TRIP12: variants seen among roughly 807,000 people sequenced by gnomAD.
TRIP12 encodes E3 ubiquitin-protein ligase TRIP12.
A neutral mutation model predicts 244.2 loss-of-function variants in TRIP12; 25 were observed. The observed-to-expected ratio is 0.10, with a 90% CI of 0.07 to 0.14. The LOEUF is 0.14. Ranked by LOEUF, TRIP12 falls within the 10% of genes least tolerant of loss-of-function variation. The pLI, the probability that TRIP12 is intolerant of heterozygous loss-of-function variation, is 1.00. For synonymous variants in TRIP12, 905 were observed against 873.1 expected (o/e 1.04, Z -0.64); for missense variants, 1,677 against 2,486.4 (o/e 0.67, Z 6.92).
intron 5 of TRIP12, 105 bp downstream of exon 5, chr2:229,840,713 AAAAC>A (rs1347387460): frequency 1.3e-5 from 11 of 834,478 alleles, no homozygotes; most frequent in African/African-American, 3.6e-5. Context: ...AAAACAAAAC[AAAAC>A]AAACAAAACA....
intron 21 of TRIP12, among the ~76,000 whole-genome samples, 163 bp from the exon 22 acceptor site, chr2:229,799,546 G>A (rs2043695028): frequency 6.6e-6 from 1 of 152,194 alleles, no homozygotes; most frequent in Non-Finnish European, 1.5e-5. Flanking sequence ...GGAGGCCGAG[G>A]CGGGCAGATC....
chr2:229,853,075 A>G (rs1037338539), intron 4 of TRIP12, among the ~76,000 whole-genome samples: 3 of 152,200 alleles, frequency 2.0e-5, no homozygotes, highest in Non-Finnish European at 4.4e-5. Context: ...ACAATTTTTA[A>G]AACATTTCCT....
chr2:229,819,329 G>A (rs544909199), intron 8 of TRIP12, among the ~76,000 whole-genome samples: 3 of 152,294 alleles, frequency 2.0e-5, no homozygotes, highest in Non-Finnish European at 4.4e-5. Flanking sequence ...TGGATCACTT[G>A]AGGTCAGGAG....
In TRIP12 at chr2:229,766,621, C is replaced by A. The variant is rs1450015451; in HGVS notation, c.*933G>T. 1 of 152,082 alleles carries A rather than the reference C, an allele frequency of 6.6e-6. No individual in the cohort carries two copies. The highest frequency in any genetic ancestry group is 1.9e-4 in the East Asian group (1 of 5,194). The allele number at this position is 152,082 out of a possible 1,614,324, so 9.4% of individuals were successfully genotyped here. ...ACAAAGGGAAAAAAATTTTTTTACT[C>A]CAACAGGGAAGGAAAACTGCTTATT... On this transcript the variant is annotated 3_prime_UTR_variant, in exon 42 of 42. Transcript: ENST00000675903.
At chr2:229,798,815 A>C (rs1224031616) in intron 23 of TRIP12, 60 bp downstream of exon 23, 1 of 1,572,492 alleles carries the variant, frequency 6.4e-7, no homozygotes, top group Non-Finnish European at 8.7e-7. Context: ...ACTGGCTGAA[A>C]TAATGTTTAA....
chr2:229,831,878 G>T (rs200868739), intron 6 of TRIP12, among the ~76,000 whole-genome samples: 112 of 109,540 alleles, frequency 1.0e-3, no homozygotes, highest in South Asian at 2.1e-3. Context: ...TTTTTTGTTT[G>T]TTTTTTGGGT....
intron 1 of TRIP12, among the ~76,000 whole-genome samples, chr2:229,916,543 G>A (rs1445325203): frequency 6.6e-6 from 1 of 151,928 alleles, no homozygotes; most frequent in South Asian, 2.1e-4. Context: ...TGACAAAAGT[G>A]AGACTCTGTC....
intron 18 of TRIP12, 52 bp downstream of exon 18, chr2:229,805,678 C>A (rs1386139477): frequency 1.3e-5 from 18 of 1,407,428 alleles, no homozygotes; most frequent in Middle Eastern, 2.0e-4. Context: ...ATTATGCAAA[C>A]ACAAAATATT....
At chr2:229,829,338 C>T in intron 7 of TRIP12, 50 bp from the exon 8 acceptor site, 1 of 1,447,808 alleles carries the variant, frequency 6.9e-7, no homozygotes, top group Middle Eastern at 1.8e-4. Flanking sequence ...CTTCATGCAA[C>T]TGATGTATCT....
intron 1 of TRIP12, among the ~76,000 whole-genome samples, chr2:229,902,001 C>T (rs1405411778): frequency 6.6e-6 from 1 of 152,202 alleles, no homozygotes; most frequent in Non-Finnish European, 1.5e-5. Flanking sequence ...TTCTTTCAAA[C>T]TTCAAGATTA....
intron 5 of TRIP12, 29 bp downstream of exon 5, chr2:229,840,793 C>T: frequency 7.1e-7 from 1 of 1,403,572 alleles, no homozygotes; most frequent in Non-Finnish European, 9.7e-7. Flanking sequence ...TAAAAATGAA[C>T]TCACTATAAA....
chr2:229,851,737 T>G (rs2058747532), intron 4 of TRIP12, among the ~76,000 whole-genome samples: 1 of 151,798 alleles, frequency 6.6e-6, no homozygotes, highest in Non-Finnish European at 1.5e-5. Flanking sequence ...CGTGCTGCCT[T>G]AAGAACTGTA....
In TRIP12 at chr2:229,919,217, A is replaced by T. The variant is rs377151894; in HGVS notation, c.-50+2663T>A. ...TCACCTGAGAGGTCGGGAGTTCGAGACCAGCCTGGCCAACATGGTGAAACT... is the reference window on the plus strand; with the variant it reads ...TCACCTGAGAGGTCGGGAGTTCGAGTCCAGCCTGGCCAACATGGTGAAACT... On this transcript the variant is annotated intron_variant, in intron 1 of 41. Coordinates refer to ENST00000675903, the MANE Select transcript of TRIP12 (RefSeq NM_001348323.3). Among the ~76,000 whole-genome samples, 917 of 152,246 alleles carry T rather than the reference A, an allele frequency of 6.0e-3. 6 individuals are homozygous for T. Among genetic ancestry groups the T allele is most frequent in the Middle Eastern group, 0.048 (14 of 294 alleles).
intron 30 of TRIP12, 131 bp from the exon 31 acceptor site, chr2:229,789,893 GTATTGATAAGTTT>G: frequency 1.1e-6 from 1 of 932,254 alleles, no homozygotes; most frequent in East Asian, 2.5e-5. Flanking sequence ...TATTAGTAGG[GTATTGATAAGTTT>G]GACAATCTTC....
chr2:229,899,742 G>C (rs1260046127), intron 1 of TRIP12, among the ~76,000 whole-genome samples: 1 of 152,208 alleles, frequency 6.6e-6, no homozygotes, highest in Non-Finnish European at 1.5e-5. Flanking sequence ...CAAGAGAGAA[G>C]TGGAATGGTC....
chr2:229,819,769 A>C (rs896618827), intron 8 of TRIP12, among the ~76,000 whole-genome samples: 2 of 152,190 alleles, frequency 1.3e-5, no homozygotes, highest in African/African-American at 4.8e-5. Flanking sequence ...GAAATGGGAT[A>C]TATGTCTGGA....
At chr2:229,815,037 A>G in intron 11 of TRIP12, 62 bp downstream of exon 11, 1 of 1,268,566 alleles carries the variant, frequency 7.9e-7, no homozygotes, top group Middle Eastern at 1.9e-4. Flanking sequence ...GCTAAAATTC[A>G]AGAGTTTGAA....
rs1193132112 is a variant in TRIP12, at chr2:229,810,999, T to G, written c.2102A>C (p.Gln701Pro). Residue 701 changes from glutamine (Q) to proline (P), a missense_variant, in exon 15 of 42, where the codon CAA (glutamine) becomes CCA (proline). This residue lies in a region of TRIP12 where 572 missense variants were observed against 867.8 expected (regional missense o/e 0.66). Transcript: ENST00000675903. Reference protein sequence around the residue: ...VASKDLLTNVQQLLVVTPPIL... With the variant: ...VASKDLLTNVPQLLVVTPPIL... ...GGGTGGAGTCACTACCAACAGCTGT[T>G]GAACATTTGTAAGCAGATCTTTGGA... 6.2e-7 allele frequency: 1 copy of G among 1,614,096 alleles called. No homozygotes were observed. Among genetic ancestry groups the G allele is most frequent in the Non-Finnish European group, 8.5e-7 (1 of 1,180,002 alleles).
chr2:229,844,012 G>A (rs766442647), intron 4 of TRIP12, among the ~76,000 whole-genome samples: 3 of 151,928 alleles, frequency 2.0e-5, no homozygotes, highest in Non-Finnish European at 4.4e-5. Context: ...TCAAAACAGC[G>A]GCAATTTGCA....
Sources: allele counts gnomAD v4.1 joint callset (sites outside exome capture counted in the v4.1 genomes callset), GRCh38; gene constraint gnomAD v4.1.1; regional missense constraint gnomAD v4.1.1; transcripts MANE v1.5; gene names NCBI Gene and HGNC (gene_info 2026-07-23, HGNC 2026-07-21).